RHOBTB3: variants seen among roughly 807,000 people sequenced by gnomAD.
RHOBTB3 encodes rho-related BTB domain-containing protein 3.
A neutral mutation model predicts 67.2 loss-of-function variants in RHOBTB3; 47 were observed. That is an observed-to-expected ratio of 0.70 (90% CI 0.55 to 0.89). RHOBTB3 has a LOEUF of 0.89. Ranked by LOEUF, RHOBTB3 falls within the 40% of genes least tolerant of loss-of-function variation. RHOBTB3 has a pLI of 0.00. For missense variants in RHOBTB3, 631 were observed against 750.0 expected, an observed-to-expected ratio of 0.84 and a Z score of 1.85; for synonymous variants, 273 against 274.2, an observed-to-expected ratio of 1.00 and a Z score of 0.04.
rs139703251 is a variant in RHOBTB3 at position 95,751,909 on chromosome 5, G to T, written c.571-330G>T. Among the ~76,000 whole-genome samples, 286 of 152,158 alleles carry T rather than the reference G, an allele frequency of 1.9e-3. 2 individuals carry two copies. Among genetic ancestry groups the T allele is most frequent in the African/African-American group, 6.4e-3 (264 of 41,490 alleles). On this transcript the variant is annotated intron_variant, in intron 4 of 11. Coordinates refer to ENST00000379982, the MANE Select transcript of RHOBTB3 (RefSeq NM_014899.4). ...GCATAGTATTCCATCGTGTATATGC[G>T]CCACGTTTTCTTTATCCAGTCTATC...
chr5:95,748,454 T>A lies in RHOBTB3; in HGVS notation c.537T>A (p.Asp179Glu), dbSNP rs781210737. ...CCTATCTTGAACTCCACAGCCTTGA[T>A]GACTTCTACATAGGAAAGTATTTTG... ...GATYLELHSLDDFYIGKYFGG... is the reference protein window; with the variant it reads ...GATYLELHSLEDFYIGKYFGG... The change falls in exon 4 of 12, where the codon GAT becomes GAA. Residue 179 changes from aspartate (D) to glutamate (E), a missense_variant. By Grantham distance (45) the Asp-to-Glu change is conservative (BLOSUM62 2). Transcript: ENST00000379982. 3.7e-6 allele frequency: 6 copies of A among 1,613,332 alleles called. No individual in the cohort carries two copies. Among genetic ancestry groups the A allele is most frequent in the Non-Finnish European group, 4.2e-6 (5 of 1,179,546 alleles).
chr5:95,751,327 C>G (rs1745083211), intron 4 of RHOBTB3: 1 of 151,940 alleles, frequency 6.6e-6, no homozygotes, highest in Non-Finnish European at 1.5e-5. Flanking sequence ...GCTTGGCTTT[C>G]TCGAGTATTC....
At chr5:95,766,671 C>T (rs147387000) in intron 7 of RHOBTB3, among the ~76,000 whole-genome samples, 760 of 151,786 alleles carry the variant, frequency 5.0e-3, no homozygotes, top group African/African-American at 0.018. Context: ...GAGGCCAGCC[C>T]TTGACTTCCA....
chr5:95,722,651 G>A (rs559472826), intron 1 of RHOBTB3, among the ~76,000 whole-genome samples: 1 of 152,112 alleles, frequency 6.6e-6, no homozygotes, highest in Non-Finnish European at 1.5e-5. Context: ...CACCATGCCC[G>A]GCTAATTTTT....
intron 8 of RHOBTB3, among the ~76,000 whole-genome samples, chr5:95,768,689 C>T (rs191713518): frequency 6.6e-6 from 1 of 152,222 alleles, no homozygotes; most frequent in Non-Finnish European, 1.5e-5. Flanking sequence ...TTCCTCCTAG[C>T]ACTCTGAGAA....
At position 95,763,577 on chromosome 5, in the gene RHOBTB3, A is replaced by G; in HGVS notation, c.1118A>G (p.Asn373Ser). 1.2e-6 allele frequency: 2 copies of G among 1,612,272 alleles called. No homozygotes were observed. The highest frequency in any genetic ancestry group is 2.2e-5 in the South Asian group (2 of 90,860). ...KKLKDSGDVS[N>S]VIEKVKCILK... Reference sequence around the variant, plus strand: ...TTGAAAGATTCTGGGGATGTTTCAAATGTAATCGAGAAAGTTAAATGCATT... The same window carrying G: ...TTGAAAGATTCTGGGGATGTTTCAAGTGTAATCGAGAAAGTTAAATGCATT... Residue 373 changes from asparagine to serine, a missense_variant, in exon 7 of 12, where the codon AAT becomes AGT. By Grantham distance (46) the Asn-to-Ser change is conservative. Transcript: ENST00000379982.
chr5:95,765,398 G>A (rs1162362789), intron 7 of RHOBTB3, among the ~76,000 whole-genome samples: 2 of 152,134 alleles, frequency 1.3e-5, no homozygotes, highest in Non-Finnish European at 2.9e-5. Context: ...CCATGGTATT[G>A]CGCTGAATTC....
Position 95,745,004 on chromosome 5 carries a change from C to T in RHOBTB3, c.416-3329C>T, listed in dbSNP as rs138024846. 2.8e-3 allele frequency among the ~76,000 whole-genome samples: 419 copies of T among 152,030 alleles called. 3 individuals are homozygous for T. The highest frequency in any genetic ancestry group is 9.6e-3 in the African/African-American group (396 of 41,444). ...GAGGATCACTTGAGCCTGGGGGAGGCAGAGGTTGAAGTGAGCAGAGATCAT... is the reference window on the plus strand; with the variant it reads ...GAGGATCACTTGAGCCTGGGGGAGGTAGAGGTTGAAGTGAGCAGAGATCAT... On this transcript the variant is annotated intron_variant, in intron 3 of 11. Transcript: ENST00000379982.
intron 8 of RHOBTB3, among the ~76,000 whole-genome samples, chr5:95,777,078 G>A (rs116340750): frequency 0.01 from 1,522 of 152,100 alleles, 29 homozygotes; most frequent in African/African-American, 0.032. Context: ...TTGTTTTGGC[G>A]TGTAAAAAAA....
At chr5:95,737,312 C>T (rs977653106) in intron 3 of RHOBTB3, among the ~76,000 whole-genome samples, 2 of 152,124 alleles carry the variant, frequency 1.3e-5, no homozygotes, top group Non-Finnish European at 2.9e-5. Context: ...GGCTCTTCTA[C>T]AGTAGTGATG....
At chr5:95,724,966 T>A (rs1312838180) in intron 1 of RHOBTB3, among the ~76,000 whole-genome samples, 1 of 151,614 alleles carries the variant, frequency 6.6e-6, no homozygotes, top group Non-Finnish European at 1.5e-5. Context: ...GGTGAGAGAA[T>A]CAATTGAGTC....
chr5:95,732,392 G>T (rs1280024526), intron 2 of RHOBTB3: 2 of 561,544 alleles, frequency 3.6e-6, no homozygotes, highest in Non-Finnish European at 6.3e-6. Context: ...AAGGGACGGG[G>T]TCACTAAGTT....
chr5:95,781,993 T>G (rs1055825424), intron 9 of RHOBTB3: 1 of 152,264 alleles, frequency 6.6e-6, no homozygotes, highest in Admixed American at 6.5e-5. Flanking sequence ...TAGGAAAATT[T>G]GATTTTCAGT....
chr5:95,739,056 C>G (rs972380783), intron 3 of RHOBTB3, among the ~76,000 whole-genome samples: 7 of 152,170 alleles, frequency 4.6e-5, no homozygotes, highest in Admixed American at 4.6e-4. Flanking sequence ...GTTGTCCTGG[C>G]TTCTCCTATA....
At chr5:95,731,781 C>T (rs966306588) in intron 1 of RHOBTB3, 78 bp from the exon 2 acceptor site, 31 of 1,603,526 alleles carry the variant, frequency 1.9e-5, no homozygotes, top group African/African-American at 2.7e-5. Context: ...CGCGCTGTCC[C>T]CCGCACTTCC....
intron 2 of RHOBTB3, among the ~76,000 whole-genome samples, chr5:95,736,233 TTATG>T (rs1366978587): frequency 6.6e-6 from 1 of 152,244 alleles, no homozygotes; most frequent in Non-Finnish European, 1.5e-5. Flanking sequence ...AATTTTTAAT[TTATG>T]TAGGCAAAAT....
rs1746492569 is a variant in RHOBTB3 at position 95,793,832 on chromosome 5, A to G, written c.*658A>G. The G allele has an allele frequency of 3.8e-5, 13 of 344,332 alleles. 1 individual carries two copies. Among genetic ancestry groups the G allele is most frequent in the South Asian group, 3.0e-4 (13 of 43,760 alleles). 21.3% of individuals were successfully genotyped at this position (344,332 alleles called of 1,614,324 possible). On this transcript the variant is annotated 3_prime_UTR_variant, in exon 12 of 12. Coordinates refer to ENST00000379982, the MANE Select transcript of RHOBTB3 (RefSeq NM_014899.4). Reference sequence around the variant, plus strand: ...TTTCTTAGCGTGTAACTTGTGTAGCAGCACAGGGCCCACACTTAGAAGGAC... The same window carrying G: ...TTTCTTAGCGTGTAACTTGTGTAGCGGCACAGGGCCCACACTTAGAAGGAC...
rs895285814 is a variant in RHOBTB3, at chr5:95,796,326, T to G, written c.*3152T>G. Reference sequence around the variant, plus strand: ...TTTATATGTTTTTAGCTTTAGTATTTAACTTTTTGTAACAAATAAACCTTT... The same window carrying G: ...TTTATATGTTTTTAGCTTTAGTATTGAACTTTTTGTAACAAATAAACCTTT... On this transcript the variant is annotated 3_prime_UTR_variant, in exon 12 of 12. Coordinates refer to ENST00000379982, the MANE Select transcript of RHOBTB3 (RefSeq NM_014899.4). The G allele has an allele frequency of 3.3e-5, 5 of 152,246 alleles. No homozygotes were observed. In the East Asian group the frequency reaches 9.6e-4, roughly 29 times the overall value. The allele number at this position is 152,246 out of a possible 1,614,324, so 9.4% of individuals were successfully genotyped here.
At chr5:95,777,601 G>A (rs546580128) in intron 8 of RHOBTB3, among the ~76,000 whole-genome samples, 14 of 152,204 alleles carry the variant, frequency 9.2e-5, no homozygotes, top group South Asian at 4.1e-4. Flanking sequence ...CAGTTAGTAC[G>A]TAAACCATAA....
Sources: allele counts gnomAD v4.1 joint callset (sites outside exome capture counted in the v4.1 genomes callset), GRCh38; gene constraint gnomAD v4.1.1; transcripts MANE v1.5; gene names NCBI Gene and HGNC (gene_info 2026-07-23, HGNC 2026-07-21).